The following LMO3 variants were observed in gnomAD, a reference collection of about 807,000 sequenced individuals.
The protein encoded by LMO3 is LIM domain only protein 3.
Under a neutral mutation model 15.8 loss-of-function variants are expected in LMO3, and 2 were observed. That is an observed-to-expected ratio of 0.13 (90% CI 0.05 to 0.40). LMO3 has a LOEUF of 0.40. Ranked by LOEUF, LMO3 falls within the 10% of genes least tolerant of loss-of-function variation. The probability of loss-of-function intolerance (pLI) is 0.99; values close to 1 mark genes in which losing one functional copy is unlikely to be tolerated. For missense variants in LMO3, 86 were observed against 182.2 expected, an observed-to-expected ratio of 0.47 and a Z score of 3.04; for synonymous variants, 62 against 63.8, an observed-to-expected ratio of 0.97 and a Z score of 0.13.
At chr12:16,561,576 G>A (rs920256462) in intron 2 of LMO3, among the ~76,000 whole-genome samples, 2 of 152,176 alleles carry the variant, frequency 1.3e-5, no homozygotes, top group African/African-American at 2.4e-5. Flanking sequence ...TTATAAAAAT[G>A]TACTTTTAAA....
intron 2 of LMO3, among the ~76,000 whole-genome samples, chr12:16,575,201 A>G (rs1942955460): frequency 6.6e-6 from 1 of 152,198 alleles, no homozygotes; most frequent in Non-Finnish European, 1.5e-5. Flanking sequence ...TTGCAGCTCA[A>G]AATTCATAAA....
chr12:16,560,301 A>G lies in LMO3; in HGVS notation c.332+112T>C. On this transcript the variant is annotated intron_variant, in intron 3 of 3. Transcript: ENST00000537304. This position sits in a 1 kb window ranked among gnomAD's most constrained non-coding sequence, Gnocchi z 5.0. Reference sequence around the variant, plus strand: ...TGGGATTAAAGTTTACAGAACAGAAAAACGCTGAGATTGATTGCTTTAAAT... The same window carrying G: ...TGGGATTAAAGTTTACAGAACAGAAGAACGCTGAGATTGATTGCTTTAAAT... 3.2e-6 allele frequency: 4 copies of G among 1,231,908 alleles called. No individual in the cohort carries two copies. In the East Asian group the frequency reaches 9.9e-5, roughly 31 times the overall value. The allele number at this position is 1,231,908 out of a possible 1,614,324, so 76.3% of individuals were successfully genotyped here. A position where few individuals can be genotyped will look rare whatever the true frequency, so the allele number is the denominator to read the frequency against.
chr12:16,553,884 AT>A (rs1333134356), intron 3 of LMO3, among the ~76,000 whole-genome samples: 1 of 151,704 alleles, frequency 6.6e-6, no homozygotes, highest in Non-Finnish European at 1.5e-5. Context: ...AAAAAAAAGC[AT>A]TATGAAAGGA....
intron 2 of LMO3, among the ~76,000 whole-genome samples, chr12:16,579,102 T>C (rs988636179): frequency 3.3e-5 from 5 of 152,174 alleles, no homozygotes; most frequent in Non-Finnish European, 7.3e-5. Flanking sequence ...GCACTGATTA[T>C]AAAGGTCATA....
At chr12:16,581,461 T>C (rs1281808556) in intron 2 of LMO3, among the ~76,000 whole-genome samples, 1 of 152,182 alleles carries the variant, frequency 6.6e-6, no homozygotes, top group African/African-American at 2.4e-5. Flanking sequence ...TGAAAAATAA[T>C]ACTAAAATAT....
Position 16,604,906 on chromosome 12 carries a change from G to A in LMO3, c.-9+1160C>T. Reference sequence around the variant, plus strand: ...TTTCTGCATGAGTTGACTTAGGCGTGTCTGAGTTGCAGCAGCTTCGCATTG... The same window carrying A: ...TTTCTGCATGAGTTGACTTAGGCGTATCTGAGTTGCAGCAGCTTCGCATTG... On this transcript the variant is annotated intron_variant, in intron 1 of 3. Coordinates refer to ENST00000537304, the MANE Select transcript of LMO3 (RefSeq NM_018640.5). The surrounding 1 kb of genome is among the most constrained non-coding windows in gnomAD (Gnocchi z 5.3). The A allele has an allele frequency of 6.3e-7, 1 of 1,598,454 alleles. No individual in the cohort carries two copies. The highest frequency in any genetic ancestry group is 8.5e-7 in the Non-Finnish European group (1 of 1,179,796).
chr12:16,569,269 A>G (rs1942726672), intron 2 of LMO3, among the ~76,000 whole-genome samples: 1 of 152,086 alleles, frequency 6.6e-6, no homozygotes, highest in Non-Finnish European at 1.5e-5. Flanking sequence ...CCTTATCCAA[A>G]TTTGTTTTTC....
chr12:16,598,992 G>C lies in LMO3; in HGVS notation c.206+1663C>G. The C allele has an allele frequency of 3.8e-6, 1 of 264,002 alleles. No homozygotes were observed. The highest frequency in any genetic ancestry group is 4.7e-5 in the Admixed American group (1 of 21,276). 16.4% of individuals were successfully genotyped at this position (264,002 alleles called of 1,614,324 possible). A position where few individuals can be genotyped will look rare whatever the true frequency, so the allele number is the denominator to read the frequency against. On this transcript the variant is annotated intron_variant, in intron 2 of 3. Transcript: ENST00000537304. This position sits in a 1 kb window ranked among gnomAD's most constrained non-coding sequence, Gnocchi z 4.3. ...ACTGAAATTACAAACAAATGTAAAA[G>C]TCAAAAGGAGTCAAAAAGCTATGAC... is the stretch of plus-strand genomic sequence containing the variant.
chr12:16,575,102 T>C (rs1305773579), intron 2 of LMO3, among the ~76,000 whole-genome samples: 1 of 152,208 alleles, frequency 6.6e-6, no homozygotes, highest in African/African-American at 2.4e-5. Flanking sequence ...TCTACAGTAT[T>C]ATGTAACCTG....
intron 3 of LMO3, among the ~76,000 whole-genome samples, chr12:16,557,306 A>G (rs1942226860): frequency 6.6e-6 from 1 of 152,150 alleles, no homozygotes. Context: ...ACCAGGGATC[A>G]AATAAATGCC....
chr12:16,565,071 G>A (rs1029813950), intron 2 of LMO3, among the ~76,000 whole-genome samples: 4 of 152,112 alleles, frequency 2.6e-5, no homozygotes, highest in East Asian at 3.9e-4. Context: ...ATTATAGTGT[G>A]AGCCACTATG....
rs1419269721 is a variant in LMO3 at position 16,587,542 on chromosome 12, C to G, written c.206+13113G>C. ...TAAACCCCTGGCCTTGAGTTTTGGC[C>G]CCTTAATAGTAGCCTACATGGTTGA... On this transcript the variant is annotated intron_variant, in intron 2 of 3. Coordinates refer to ENST00000537304, the MANE Select transcript of LMO3 (RefSeq NM_018640.5). The surrounding 1 kb of genome is among the most constrained non-coding windows in gnomAD (Gnocchi z 4.3). Among the ~76,000 whole-genome samples the G allele has an allele frequency of 6.6e-6, 1 of 151,874 alleles. No individual in the cohort carries two copies. The highest frequency in any genetic ancestry group is 2.4e-5 in the African/African-American group (1 of 41,322).
intron 2 of LMO3, chr12:16,567,605 G>T (rs989590777): frequency 4.6e-5 from 7 of 152,106 alleles, no homozygotes; most frequent in African/African-American, 1.7e-4. Context: ...CCTCTATGTG[G>T]TCAAGATCAG....
chr12:16,553,554 G>T (rs1565479156), intron 3 of LMO3, among the ~76,000 whole-genome samples: 1 of 152,080 alleles, frequency 6.6e-6, no homozygotes. Flanking sequence ...ACTGGATAAA[G>T]TGCATTTTAT....
In LMO3 at chr12:16,605,223, A is replaced by C. The variant is rs568109519; in HGVS notation, c.-9+843T>G. ...GGCCCCTTTTAGCTTCCTGGTAACA[A>C]ATGGATTTGATTAAACTGTCACATG... is the stretch of plus-strand genomic sequence containing the variant. On this transcript the variant is annotated intron_variant, in intron 1 of 3. Transcript: ENST00000537304. 313 of 1,304,450 alleles carry C rather than the reference A, an allele frequency of 2.4e-4. No homozygotes were observed. In the African/African-American group the frequency reaches 4.1e-3, roughly 17 times the overall value. The allele number at this position is 1,304,450 out of a possible 1,614,324, so 80.8% of individuals were successfully genotyped here.
rs904655254 is a variant in LMO3 at position 16,576,944 on chromosome 12, C to G, written c.207-16406G>C. On this transcript the variant is annotated intron_variant, in intron 2 of 3. Transcript: ENST00000537304. This position sits in a 1 kb window ranked among gnomAD's most constrained non-coding sequence, Gnocchi z 4.1. ...CCTAAACTATCTATTTTAGAAATAA[C>G]CCAATAAGGGCAAAGCTATATGAGT... is the stretch of plus-strand genomic sequence containing the variant. 6.6e-6 allele frequency among the ~76,000 whole-genome samples: 1 copy of G among 152,160 alleles called. No individual in the cohort carries two copies. Among genetic ancestry groups the G allele is most frequent in the African/African-American group, 2.4e-5 (1 of 41,436 alleles).
Position 16,604,186 on chromosome 12 carries a change from T to C in LMO3, c.-9+1880A>G, listed in dbSNP as rs1254910624. ...CAGCCCCCAACCCAGGTTGGAAAACTGGATTGGGCCTAAAAGCTTGTTTCT... is the reference window on the plus strand; with the variant it reads ...CAGCCCCCAACCCAGGTTGGAAAACCGGATTGGGCCTAAAAGCTTGTTTCT... On this transcript the variant is annotated intron_variant, in intron 1 of 3. Coordinates refer to ENST00000537304, the MANE Select transcript of LMO3 (RefSeq NM_018640.5). This position sits in a 1 kb window ranked among gnomAD's most constrained non-coding sequence, Gnocchi z 5.3. 1.3e-5 allele frequency among the ~76,000 whole-genome samples: 2 copies of C among 152,098 alleles called. No individual in the cohort carries two copies. The highest frequency in any genetic ancestry group is 2.4e-5 in the African/African-American group (1 of 41,424).
chr12:16,551,235 G>T lies in LMO3; in HGVS notation c.425C>A (p.Pro142His). The stretch of plus-strand genomic sequence containing the variant: ...GATGTTGATAGATCAGCGAACCTGG[G>T]GTGCATAACCTTCTTTCATTAAACC... ...EEGLMKEGYA[P>H]QVR is the part of the protein sequence containing the mutation. The change falls in exon 4 of 4, where the codon CCC (proline) becomes CAC (histidine). Residue 142 changes from proline (P) to histidine (H), a missense_variant. Pro to His is a moderately conservative substitution (Grantham distance 77). Coordinates refer to ENST00000537304, the MANE Select transcript of LMO3 (RefSeq NM_018640.5). The T allele has an allele frequency of 6.2e-7, 1 of 1,602,422 alleles. No individual in the cohort carries two copies. Among genetic ancestry groups the T allele is most frequent in the South Asian group, 1.1e-5 (1 of 90,850 alleles).
In LMO3 at chr12:16,585,627, C is replaced by A. The variant is rs551488736; in HGVS notation, c.206+15028G>T. On this transcript the variant is annotated intron_variant, in intron 2 of 3. Coordinates refer to ENST00000537304, the MANE Select transcript of LMO3 (RefSeq NM_018640.5). The surrounding 1 kb of genome is among the most constrained non-coding windows in gnomAD (Gnocchi z 4.7). ...TATGTTCCCACCTGTATTTTCTTTC[C>A]GTTGAAGTCCACCCATTCCAATTAT... Among the ~76,000 whole-genome samples, 1 of 152,134 alleles carries A rather than the reference C, an allele frequency of 6.6e-6. No individual in the cohort carries two copies. Among genetic ancestry groups the A allele is most frequent in the Non-Finnish European group, 1.5e-5 (1 of 68,028 alleles).
Sources: allele counts gnomAD v4.1 joint callset (sites outside exome capture counted in the v4.1 genomes callset), GRCh38; gene constraint gnomAD v4.1.1; non-coding constraint Gnocchi (gnomAD v3.1); transcripts MANE v1.5; gene names NCBI Gene and HGNC (gene_info 2026-07-23, HGNC 2026-07-21).